Variants in CDKAL1 observed in about 807,000 individuals in gnomAD.
CDKAL1 encodes threonylcarbamoyladenosine tRNA methylthiotransferase.
CDKAL1 carries 32 observed loss-of-function variants against 68.2 expected under a neutral mutation model. The observed-to-expected ratio is 0.47, with a 90% CI of 0.35 to 0.63. The LOEUF (loss-of-function observed/expected upper bound fraction) is 0.63, where lower values mean the gene tolerates loss of function less well. Among genes scored for constraint, CDKAL1 ranks in the 30% least tolerant of loss-of-function variants. The pLI is 0.00. For missense variants in CDKAL1, 606 were observed against 696.7 expected (o/e 0.87, Z 1.47); for synonymous variants, 234 against 244.3 (o/e 0.96, Z 0.39).
At chr6:20,655,703 CG>C (rs1227246469) in intron 5 of CDKAL1, among the ~76,000 whole-genome samples, 1 of 152,120 alleles carries the variant, frequency 6.6e-6, no homozygotes. Context: ...CTCCCACCCC[CG>C]GTCTGTGGAA....
chr6:20,935,046 C>T lies in CDKAL1; in HGVS notation c.743-20373C>T, dbSNP rs1429170496. ...GAGTATCTGGGACTACAGGCACGTGCCAACACACCCAGCTAATTTTTGTAC... is the reference window on the plus strand; with the variant it reads ...GAGTATCTGGGACTACAGGCACGTGTCAACACACCCAGCTAATTTTTGTAC... On this transcript the variant is annotated intron_variant, in intron 9 of 15. Coordinates refer to ENST00000274695, the MANE Select transcript of CDKAL1 (RefSeq NM_017774.3). 3.3e-5 allele frequency among the ~76,000 whole-genome samples: 5 copies of T among 151,822 alleles called. No individual in the cohort carries two copies. In the South Asian group the frequency reaches 8.3e-4, roughly 25 times the overall value.
chr6:20,860,739 G>A (rs1759571350), intron 9 of CDKAL1, among the ~76,000 whole-genome samples: 1 of 151,964 alleles, frequency 6.6e-6, no homozygotes. Context: ...CAGGAGAATT[G>A]CTTGAACCCA....
intron 5 of CDKAL1, among the ~76,000 whole-genome samples, chr6:20,726,799 A>T (rs1457324920): frequency 3.3e-5 from 5 of 152,230 alleles, no homozygotes; most frequent in African/African-American, 1.2e-4. Context: ...CATATTTATG[A>T]GGAGAGCTGA....
At chr6:20,627,137 C>T (rs1338943093) in intron 4 of CDKAL1, among the ~76,000 whole-genome samples, 1 of 152,136 alleles carries the variant, frequency 6.6e-6, no homozygotes, top group African/African-American at 2.4e-5. Flanking sequence ...TACATAATTG[C>T]ATCTACTTCA....
intron 4 of CDKAL1, among the ~76,000 whole-genome samples, chr6:20,561,487 A>C (rs894499072): frequency 6.8e-6 from 1 of 147,606 alleles, no homozygotes; most frequent in Non-Finnish European, 1.5e-5. Context: ...GACTGTAGCC[A>C]GCTCTTAATA....
At chr6:20,692,360 G>C (rs949739899) in intron 5 of CDKAL1, among the ~76,000 whole-genome samples, 2 of 152,096 alleles carry the variant, frequency 1.3e-5, no homozygotes, top group East Asian at 3.9e-4. Context: ...CTTTCTGTTG[G>C]GAGCTCCAAA....
chr6:21,138,938 C>G (rs1298163207), intron 13 of CDKAL1, among the ~76,000 whole-genome samples: 1 of 152,134 alleles, frequency 6.6e-6, no homozygotes, highest in Non-Finnish European at 1.5e-5. Flanking sequence ...CTTATGGACT[C>G]GGCGACCTCG....
chr6:21,092,202 A>G (rs1477067507), intron 12 of CDKAL1, among the ~76,000 whole-genome samples: 2 of 103,102 alleles, frequency 1.9e-5, no homozygotes, highest in Non-Finnish European at 3.6e-5. Flanking sequence ...AGAACTTTCA[A>G]TCAGCTTTTT....
At chr6:21,132,029 C>A (rs1421546005) in intron 13 of CDKAL1, among the ~76,000 whole-genome samples, 1 of 151,984 alleles carries the variant, frequency 6.6e-6, no homozygotes, top group Non-Finnish European at 1.5e-5. Context: ...GTTATTTTCA[C>A]CTATAAAATT....
intron 12 of CDKAL1, among the ~76,000 whole-genome samples, chr6:21,077,627 G>A (rs1278908983): frequency 1.3e-5 from 2 of 152,210 alleles, no homozygotes; most frequent in Non-Finnish European, 2.9e-5. Flanking sequence ...GCAGGGGGAA[G>A]TGCTATACAC....
chr6:20,626,151 A>G (rs6917583), intron 4 of CDKAL1, among the ~76,000 whole-genome samples: 73,401 of 151,986 alleles, frequency 0.48, 17,904 homozygotes, highest in East Asian at 0.64. Context: ...AGTTAGTCTC[A>G]TTGTTCAGAA....
chr6:20,840,934 G>A lies in CDKAL1; in HGVS notation c.639-5141G>A, dbSNP rs557003051. Among the ~76,000 whole-genome samples, 7 of 152,316 alleles carry A rather than the reference G, an allele frequency of 4.6e-5. No homozygotes were observed. The South Asian group carries it at 1.0e-3, about 23-fold the overall frequency. ...TGATGGTGTTTCAGTTTGGAAGAAT[G>A]TGGCTAGACCACAGTATGGCTTTTC... On this transcript the variant is annotated intron_variant, in intron 8 of 15. Transcript: ENST00000274695.
intron 11 of CDKAL1, among the ~76,000 whole-genome samples, chr6:21,057,378 C>T (rs939117793): frequency 2.6e-5 from 4 of 151,538 alleles, no homozygotes; most frequent in African/African-American, 4.8e-5. Flanking sequence ...TCTGCTTTAT[C>T]ATTTTTTATT....
At chr6:20,656,941 TAAG>T (rs1769053524) in intron 5 of CDKAL1, among the ~76,000 whole-genome samples, 3 of 152,212 alleles carry the variant, frequency 2.0e-5, no homozygotes, top group Non-Finnish European at 4.4e-5. Flanking sequence ...TAATTCTTAT[TAAG>T]ATAACACTTA....
chr6:21,097,344 C>G (rs1364785545), intron 12 of CDKAL1, among the ~76,000 whole-genome samples: 1 of 152,168 alleles, frequency 6.6e-6, no homozygotes, highest in African/African-American at 2.4e-5. Flanking sequence ...GTGGCAGGCA[C>G]CTGTAGCCCC....
At chr6:20,580,788 C>A (rs1204237447) in intron 4 of CDKAL1, among the ~76,000 whole-genome samples, 1 of 151,636 alleles carries the variant, frequency 6.6e-6, no homozygotes, top group East Asian at 1.9e-4. Flanking sequence ...GTTTCATTGG[C>A]ACTTTACTTT....
At chr6:20,748,555 G>GAAAAAAAAAAAA (rs760404728) in intron 6 of CDKAL1, among the ~76,000 whole-genome samples, 1 of 28,742 alleles carries the variant, frequency 3.5e-5, no homozygotes, top group African/African-American at 1.2e-4. Context: ...TCTGTTTCTG[G>GAAAAAAAAAAAA]AAAAAAAAAA....
intron 11 of CDKAL1, among the ~76,000 whole-genome samples, chr6:21,014,040 A>G (rs1193690712): frequency 6.6e-6 from 1 of 152,070 alleles, no homozygotes; most frequent in Admixed American, 6.5e-5. Flanking sequence ...TTCAACCTCC[A>G]CGTCTGCATT....
chr6:20,995,601 G>A (rs1223720216), intron 10 of CDKAL1, among the ~76,000 whole-genome samples: 1 of 152,168 alleles, frequency 6.6e-6, no homozygotes, highest in Non-Finnish European at 1.5e-5. Context: ...GGTCTCGATA[G>A]TGGGTTTAAA....
Sources: gnomAD v4.1 joint callset for allele counts (sites outside exome capture counted in the v4.1 genomes callset) on GRCh38, gnomAD v4.1.1 for gene constraint, MANE v1.5 for transcripts, NCBI Gene and HGNC (gene_info 2026-07-23, HGNC 2026-07-21) for gene names.